Variants in KIAA0825 observed in about 807,000 individuals in gnomAD.
KIAA0825 encodes uncharacterized protein KIAA0825.
In KIAA0825, 119 loss-of-function variants were observed where a neutral mutation model predicts 147.6. The observed-to-expected ratio is 0.81, with a 90% confidence interval of 0.69 to 0.94. The LOEUF is 0.94. Among genes scored for constraint, KIAA0825 ranks in the 40% least tolerant of loss-of-function variants. The probability of loss-of-function intolerance (pLI) is 0.00; values close to 1 mark genes in which losing one functional copy is unlikely to be tolerated. For missense variants in KIAA0825, 1,381 were observed against 1,472.7 expected (o/e 0.94, Z 1.02); for synonymous variants, 470 against 518.1 (o/e 0.91, Z 1.26).
chr5:94,494,764 A>G (rs888130288), intron 5 of KIAA0825, among the ~76,000 whole-genome samples: 1 of 152,210 alleles, frequency 6.6e-6, no homozygotes, highest in African/African-American at 2.4e-5. Flanking sequence ...ACCTGTAGAA[A>G]AAACTTAAAA....
At chr5:94,608,490 TAATTA>T (rs1788048566) in intron 1 of KIAA0825, among the ~76,000 whole-genome samples, 1 of 15,254 alleles carries the variant, frequency 6.6e-5, no homozygotes, top group African/African-American at 2.8e-4. Flanking sequence ...TATATATATA[TAATTA>T]TATATATATA....
intron 14 of KIAA0825, among the ~76,000 whole-genome samples, chr5:94,421,476 A>G (rs1754177610): frequency 6.6e-6 from 1 of 152,164 alleles, no homozygotes; most frequent in Non-Finnish European, 1.5e-5. Flanking sequence ...TTCTGTCTAG[A>G]TCACCATCAT....
chr5:94,497,010 T>C (rs1037853764), intron 5 of KIAA0825, among the ~76,000 whole-genome samples: 3 of 152,132 alleles, frequency 2.0e-5, no homozygotes, highest in African/African-American at 7.2e-5. Flanking sequence ...GCCTTCCCTA[T>C]TGGGATTAAT....
At chr5:94,563,828 G>C (rs576393530) in intron 2 of KIAA0825, among the ~76,000 whole-genome samples, 2 of 152,210 alleles carry the variant, frequency 1.3e-5, no homozygotes, top group South Asian at 4.2e-4. Flanking sequence ...GGGATTATAG[G>C]CGCCTGCCAC....
At chr5:94,597,769 T>C (rs867051176) in intron 1 of KIAA0825, among the ~76,000 whole-genome samples, 1 of 152,204 alleles carries the variant, frequency 6.6e-6, no homozygotes. Flanking sequence ...TATAATGGTA[T>C]TGCTTACAGC....
intron 13 of KIAA0825, among the ~76,000 whole-genome samples, 189 bp downstream of exon 13, chr5:94,452,770 T>C (rs1758579275): frequency 6.6e-6 from 1 of 152,214 alleles, no homozygotes; most frequent in East Asian, 1.9e-4. Flanking sequence ...AGAATAATTA[T>C]GAGGCCCATG....
Position 94,439,978 on chromosome 5 carries a change from T to A in KIAA0825, c.2497+4A>T. ...AGGACATTCTTATAACTACACATACTCACTTGAGCTCTTCAGCAAGATTCT... is the reference window on the plus strand; with the variant it reads ...AGGACATTCTTATAACTACACATACACACTTGAGCTCTTCAGCAAGATTCT... On this transcript the variant is annotated splice_donor_region_variant and intron_variant, in intron 14 of 20. Coordinates refer to ENST00000682413, the MANE Select transcript of KIAA0825 (RefSeq NM_001145678.3). 6.5e-7 allele frequency: 1 copy of A among 1,550,094 alleles called. No individual in the cohort carries two copies. Among genetic ancestry groups the A allele is most frequent in the Non-Finnish European group, 8.7e-7 (1 of 1,146,172 alleles).
At chr5:94,216,496 G>A (rs1773212394) in intron 20 of KIAA0825, among the ~76,000 whole-genome samples, 1 of 152,156 alleles carries the variant, frequency 6.6e-6, no homozygotes, top group South Asian at 2.1e-4. Flanking sequence ...GAGGAATCCA[G>A]GAGGAATAAA....
chr5:94,258,529 T>C (rs1776348869), intron 20 of KIAA0825, among the ~76,000 whole-genome samples: 1 of 151,894 alleles, frequency 6.6e-6, no homozygotes, highest in Non-Finnish European at 1.5e-5. Flanking sequence ...GTTCTGTTTT[T>C]CCCCCAGCAA....
intron 20 of KIAA0825, among the ~76,000 whole-genome samples, chr5:94,189,910 TCCC>T (rs1770503926): frequency 6.6e-6 from 1 of 152,172 alleles, no homozygotes; most frequent in South Asian, 2.1e-4. Context: ...ATGAATTTAT[TCCC>T]CCATTTATTT....
At chr5:94,539,808 G>A (rs1465369746) in intron 2 of KIAA0825, among the ~76,000 whole-genome samples, 2 of 152,116 alleles carry the variant, frequency 1.3e-5, no homozygotes, top group South Asian at 2.1e-4. Context: ...AGGGGTTAGA[G>A]GCCCCTCTCG....
chr5:94,170,452 T>G (rs1768515250), intron 20 of KIAA0825, among the ~76,000 whole-genome samples: 1 of 152,222 alleles, frequency 6.6e-6, no homozygotes, highest in Admixed American at 6.5e-5. Context: ...TTTTTGCTAC[T>G]TGGGGATGAT....
At chr5:94,379,091 A>C (rs1748008881) in intron 20 of KIAA0825, among the ~76,000 whole-genome samples, 1 of 152,166 alleles carries the variant, frequency 6.6e-6, no homozygotes, top group African/African-American at 2.4e-5. Context: ...TTTGCTGTGC[A>C]GAAGCTCTTT....
intron 15 of KIAA0825, among the ~76,000 whole-genome samples, chr5:94,408,616 G>C (rs1250260698): frequency 6.6e-6 from 1 of 151,916 alleles, no homozygotes; most frequent in Non-Finnish European, 1.5e-5. Flanking sequence ...CAGGTGATCT[G>C]CCCACCTTGG....
At chr5:94,172,039 G>T (rs573001539) in intron 20 of KIAA0825, among the ~76,000 whole-genome samples, 1 of 152,234 alleles carries the variant, frequency 6.6e-6, no homozygotes, top group South Asian at 2.1e-4. Flanking sequence ...CTCAGACGTT[G>T]GGGAAATATT....
chr5:94,486,334 A>G (rs765254784), intron 5 of KIAA0825, among the ~76,000 whole-genome samples: 2 of 152,044 alleles, frequency 1.3e-5, no homozygotes, highest in Non-Finnish European at 2.9e-5. Context: ...CATCACATGG[A>G]TGGTAGAAGG....
intron 14 of KIAA0825, among the ~76,000 whole-genome samples, chr5:94,425,865 A>T (rs958228945): frequency 1.8e-4 from 28 of 151,916 alleles, no homozygotes; most frequent in Non-Finnish European, 4.4e-5. Flanking sequence ...ATAATTAGTG[A>T]TGCTGAACAT....
In KIAA0825 at chr5:94,473,415, G is replaced by A; in HGVS notation, c.1332C>T (p.Leu444=). 1.9e-6 allele frequency: 3 copies of A among 1,551,962 alleles called. No homozygotes were observed. Among genetic ancestry groups the A allele is most frequent in the Non-Finnish European group, 2.6e-6 (3 of 1,147,048 alleles). ...TAIEGFSTKI[L]QQEQNERSSA... ...AAGACCTTTCATTCTGTTCCTGTTG[G>A]AGAATTTTTGTGGAAAAACCTTCAA... The change falls in exon 8 of 21, where the codon CTC becomes CTT. Residue 444 remains leucine (L), a synonymous_variant. Coordinates refer to ENST00000682413, the MANE Select transcript of KIAA0825 (RefSeq NM_001145678.3).
At chr5:94,536,894 T>TA in intron 3 of KIAA0825, 102 bp downstream of exon 3, 1 of 788,606 alleles carries the variant, frequency 1.3e-6, no homozygotes, top group Non-Finnish European at 2.0e-6. Context: ...TAATGATAAT[T>TA]AAAACCTAAA....
Sources: allele counts gnomAD v4.1 joint callset (sites outside exome capture counted in the v4.1 genomes callset), GRCh38; gene constraint gnomAD v4.1.1; transcripts MANE v1.5; gene names NCBI Gene and HGNC (gene_info 2026-07-23, HGNC 2026-07-21).